The following GARNL3 variants were observed in gnomAD, a reference collection of about 807,000 sequenced individuals.
The protein encoded by GARNL3 is GTPase activating Rap/RanGAP domain like 3, also known as GTPase-activating Rap/Ran-GAP domain-like protein 3.
A neutral mutation model predicts 125.0 loss-of-function variants in GARNL3; 63 were observed. The ratio of observed to expected loss-of-function variants is 0.50; its 90% CI spans 0.41 to 0.62. The LOEUF is 0.62. Among genes scored for constraint, GARNL3 ranks in the 20% least tolerant of loss-of-function variants. The pLI is 0.00. For missense variants in GARNL3, 994 were observed against 1,244.0 expected, an observed-to-expected ratio of 0.80 and a Z score of 3.02; for synonymous variants, 439 against 457.5, an observed-to-expected ratio of 0.96 and a Z score of 0.52.
intron 1 of GARNL3, among the ~76,000 whole-genome samples, chr9:127,287,178 A>C (rs973844162): frequency 1.3e-5 from 2 of 152,192 alleles, no homozygotes; most frequent in African/African-American, 4.8e-5. Context: ...CTTTGTGTCC[A>C]GCTATGATTC....
chr9:127,225,202 C>G (rs1178242556), intron 1 of GARNL3: 1 of 222,988 alleles, frequency 4.5e-6, no homozygotes, highest in Non-Finnish European at 7.4e-6. Flanking sequence ...GGGGCCTGGG[C>G]CCAGCGAGGG....
At chr9:127,339,023 C>T (rs569269418) in intron 12 of GARNL3, among the ~76,000 whole-genome samples, 5 of 152,230 alleles carry the variant, frequency 3.3e-5, no homozygotes, top group African/African-American at 4.8e-5. Context: ...TTGGGCCTGG[C>T]GTGGTGGCTC....
At chr9:127,350,322 G>A (rs1830358672) in intron 17 of GARNL3, among the ~76,000 whole-genome samples, 2 of 152,178 alleles carry the variant, frequency 1.3e-5, no homozygotes, top group Admixed American at 1.3e-4. Flanking sequence ...ATGAAAATCG[G>A]TGAAACAAAA....
intron 2 of GARNL3, among the ~76,000 whole-genome samples, chr9:127,251,645 C>G (rs758584139): frequency 6.6e-6 from 1 of 152,092 alleles, no homozygotes; most frequent in Non-Finnish European, 1.5e-5. Flanking sequence ...CTGTGCCTCC[C>G]GATCCATTAA....
chr9:127,380,631 A>T (rs1391124382), intron 22 of GARNL3, among the ~76,000 whole-genome samples: 3 of 152,252 alleles, frequency 2.0e-5, no homozygotes, highest in Non-Finnish European at 4.4e-5. Context: ...GCACTGACAC[A>T]TGGGTGAGCC....
intron 15 of GARNL3, among the ~76,000 whole-genome samples, chr9:127,345,164 A>ATGATATATT (rs1250766176): frequency 6.6e-6 from 1 of 152,214 alleles, no homozygotes; most frequent in East Asian, 1.9e-4. Context: ...AATCACAGTA[A>ATGATATATT]TGATATATTG....
intron 22 of GARNL3, among the ~76,000 whole-genome samples, chr9:127,380,172 G>C (rs1230268958): frequency 6.6e-6 from 1 of 151,364 alleles, no homozygotes; most frequent in Non-Finnish European, 1.5e-5. Flanking sequence ...CAGCCTGGGT[G>C]ATAGAGCAAG....
chr9:127,332,889 T>A (rs1283114862), intron 8 of GARNL3, 134 bp from the exon 9 acceptor site: 1 of 677,924 alleles, frequency 1.5e-6, no homozygotes, highest in African/African-American at 1.8e-5. Context: ...AAGAAGGAAA[T>A]GTGACTTACC....
intron 2 of GARNL3, among the ~76,000 whole-genome samples, chr9:127,308,562 T>C (rs1389106400): frequency 6.7e-6 from 1 of 150,038 alleles, no homozygotes; most frequent in Non-Finnish European, 1.5e-5. Flanking sequence ...AAAAAAATAG[T>C]GACAGTCAAA....
At chr9:127,367,491 A>T (rs1258197542) in intron 22 of GARNL3, 1 of 152,230 alleles carries the variant, frequency 6.6e-6, no homozygotes, top group Non-Finnish European at 1.5e-5. Context: ...ATTTGAAAAA[A>T]ATATATATTC....
intron 2 of GARNL3, among the ~76,000 whole-genome samples, chr9:127,255,862 T>G (rs1054325599): frequency 1.2e-4 from 18 of 152,166 alleles, no homozygotes; most frequent in African/African-American, 4.3e-4. Context: ...ATGACCTTGG[T>G]GTTCTCTAGG....
chr9:127,391,982 G>A (rs916467856), intron 27 of GARNL3, among the ~76,000 whole-genome samples: 1 of 152,170 alleles, frequency 6.6e-6, no homozygotes, highest in Non-Finnish European at 1.5e-5. Flanking sequence ...GACTTAGTTG[G>A]GTATTAAGAT....
chr9:127,375,736 A>G (rs118011990), intron 22 of GARNL3, among the ~76,000 whole-genome samples: 1,914 of 152,270 alleles, frequency 0.013, 24 homozygotes, highest in Non-Finnish European at 0.018. Flanking sequence ...AAGGTATGCA[A>G]CTTCTAAGAC....
chr9:127,264,464 G>A (rs2063659287), upstream of GARNL3: 2 of 971,380 alleles, frequency 2.1e-6, no homozygotes, highest in East Asian at 1.1e-4. Context: ...TACCACGATT[G>A]TGAAGTTTCT....
intron 2 of GARNL3, among the ~76,000 whole-genome samples, chr9:127,251,564 G>A (rs1274326788): frequency 1.3e-5 from 2 of 152,174 alleles, no homozygotes; most frequent in Non-Finnish European, 2.9e-5. Context: ...ACAGAGCACA[G>A]ATAACATGGA....
At chr9:127,391,533 A>AAAAAAATATATATAT in intron 27 of GARNL3, among the ~76,000 whole-genome samples, 1 of 75,870 alleles carries the variant, frequency 1.3e-5, no homozygotes, top group African/African-American at 3.9e-5. Context: ...ACAAAAAAAA[A>AAAAAAATATATATAT]ATATATATAT....
Position 127,385,091 on chromosome 9 carries a change from C to A in GARNL3, c.2334C>A (p.Asn778Lys), listed in dbSNP as rs757586406. The change falls in exon 24 of 28, where the codon AAC becomes AAA. Residue 778 changes from asparagine (N) to lysine (K), a missense_variant. Physicochemically the swap from Asn to Lys is moderately conservative, Grantham distance 94 (BLOSUM62 0). Coordinates refer to ENST00000373387, the MANE Select transcript of GARNL3 (RefSeq NM_032293.5). The surrounding 1 kb of genome is among the most constrained non-coding windows in gnomAD (Gnocchi z 4.1). ...TDSMEIRLVVNGNLVHTAVVP... is the reference protein window; with the variant it reads ...TDSMEIRLVVKGNLVHTAVVP... ...CCATGGAGATCCGCCTGGTGGTGAACGGGAACCTGGTCCACACTGCAGTCG... is the reference window on the plus strand; with the variant it reads ...CCATGGAGATCCGCCTGGTGGTGAAAGGGAACCTGGTCCACACTGCAGTCG... The A allele has an allele frequency of 1.9e-6, 3 of 1,612,776 alleles. No homozygotes were observed. The highest frequency in any genetic ancestry group is 2.5e-6 in the Non-Finnish European group (3 of 1,179,316).
intron 21 of GARNL3, among the ~76,000 whole-genome samples, chr9:127,361,520 C>T (rs1338576137): frequency 6.6e-6 from 1 of 152,192 alleles, no homozygotes; most frequent in Non-Finnish European, 1.5e-5. Context: ...GCCCCTGTCC[C>T]AAGGTGGAGA....
At chr9:127,297,592 A>G (rs1202374680) in intron 2 of GARNL3, among the ~76,000 whole-genome samples, 1 of 152,244 alleles carries the variant, frequency 6.6e-6, no homozygotes, top group East Asian at 1.9e-4. Context: ...ACATGAAGTC[A>G]CATGTGTTGA....
Sources: allele counts gnomAD v4.1 joint callset (sites outside exome capture counted in the v4.1 genomes callset), GRCh38; gene constraint gnomAD v4.1.1; non-coding constraint Gnocchi (gnomAD v3.1); transcripts MANE v1.5; gene names NCBI Gene and HGNC (gene_info 2026-07-23, HGNC 2026-07-21).